PRDM5: variants seen among roughly 807,000 people sequenced by gnomAD.
PRDM5 encodes the protein PR domain zinc finger protein 5.
Under a neutral mutation model 81.2 loss-of-function variants are expected in PRDM5, and 56 were observed. The observed-to-expected ratio is 0.69, with a 90% CI of 0.56 to 0.86. The LOEUF (loss-of-function observed/expected upper bound fraction) is 0.86, where lower values mean the gene tolerates loss of function less well. PRDM5 is among the 40% of genes least tolerant of loss of function. The pLI is 0.00. For missense variants in PRDM5, 697 were observed against 770.1 expected (o/e 0.91, Z 1.12); for synonymous variants, 267 against 256.4 (o/e 1.04, Z -0.39).
chr4:120,808,993 C>A (rs954512008), intron 8 of PRDM5, among the ~76,000 whole-genome samples: 3 of 152,248 alleles, frequency 2.0e-5, no homozygotes, highest in African/African-American at 7.2e-5. Context: ...CCGGCCTTGT[C>A]CAGCCCAGAA....
At chr4:120,842,655 T>G (rs1758159244) in intron 3 of PRDM5, among the ~76,000 whole-genome samples, 1 of 152,230 alleles carries the variant, frequency 6.6e-6, no homozygotes, top group South Asian at 2.1e-4. Context: ...TATTTCAAAT[T>G]AACTATTTTT....
At chr4:120,808,722 G>T (rs1214948227) in intron 8 of PRDM5, among the ~76,000 whole-genome samples, 1 of 152,198 alleles carries the variant, frequency 6.6e-6, no homozygotes, top group African/African-American at 2.4e-5. Context: ...GGAGGCTCAG[G>T]CACGGTGGGC....
At chr4:120,712,612 G>T (rs1382973034) in intron 14 of PRDM5, among the ~76,000 whole-genome samples, 1 of 152,088 alleles carries the variant, frequency 6.6e-6, no homozygotes, top group Non-Finnish European at 1.5e-5. Context: ...ACCTATGTAT[G>T]AATGGAACCT....
intron 3 of PRDM5, among the ~76,000 whole-genome samples, chr4:120,822,255 T>C (rs1239378268): frequency 1.3e-5 from 2 of 152,214 alleles, no homozygotes; most frequent in African/African-American, 2.4e-5. Flanking sequence ...CTCTTTTACA[T>C]AGTTAAGGAT....
chr4:120,758,177 T>C (rs981844943), intron 13 of PRDM5, among the ~76,000 whole-genome samples: 2 of 152,188 alleles, frequency 1.3e-5, no homozygotes, highest in Non-Finnish European at 2.9e-5. Flanking sequence ...TTGGCCTCCA[T>C]AACTGTGTAA....
At chr4:120,748,791 G>A (rs191954247) in intron 14 of PRDM5, among the ~76,000 whole-genome samples, 4 of 152,224 alleles carry the variant, frequency 2.6e-5, no homozygotes, top group Admixed American at 2.0e-4. Context: ...CCAGTGCCCT[G>A]AGGGTGAGTT....
chr4:120,778,503 T>C (rs1224029518), intron 12 of PRDM5, among the ~76,000 whole-genome samples: 1 of 152,192 alleles, frequency 6.6e-6, no homozygotes, highest in African/African-American at 2.4e-5. Flanking sequence ...ATTAACATAA[T>C]TGACTTTGCA....
Position 120,693,561 on chromosome 4 carries a change from A to G in PRDM5, c.*1550T>C, listed in dbSNP as rs1025818389. 1 of 152,150 alleles carries G rather than the reference A, an allele frequency of 6.6e-6. No homozygotes were observed. Among genetic ancestry groups the G allele is most frequent in the Non-Finnish European group, 1.5e-5 (1 of 68,010 alleles). 9.4% of individuals were successfully genotyped at this position (152,150 alleles called of 1,614,324 possible). ...TTTAGGATTTATGTTTTTAAAAGTTATCTCTTCTGAGTTTCAAATTTAGTA... is the reference window on the plus strand; with the variant it reads ...TTTAGGATTTATGTTTTTAAAAGTTGTCTCTTCTGAGTTTCAAATTTAGTA... On this transcript the variant is annotated 3_prime_UTR_variant, in exon 16 of 16. Transcript: ENST00000264808.
At chr4:120,811,146 T>C (rs1454608373) in intron 8 of PRDM5, among the ~76,000 whole-genome samples, 5 of 151,490 alleles carry the variant, frequency 3.3e-5, no homozygotes, top group Non-Finnish European at 5.9e-5. Flanking sequence ...TATGAATATA[T>C]TGGACCTTGT....
At chr4:120,821,085 A>G in intron 4 of PRDM5, 86 bp downstream of exon 4, 1 of 1,440,264 alleles carries the variant, frequency 6.9e-7, no homozygotes, top group South Asian at 1.1e-5. Flanking sequence ...GCCATATTAC[A>G]AGGCAACTAT....
chr4:120,730,671 A>G (rs1224481538), intron 14 of PRDM5, among the ~76,000 whole-genome samples: 1 of 151,824 alleles, frequency 6.6e-6, no homozygotes, highest in East Asian at 1.9e-4. Flanking sequence ...ACAAAGAAAA[A>G]CTCTCTTTAT....
At chr4:120,784,651 C>T (rs748649852) in intron 11 of PRDM5, among the ~76,000 whole-genome samples, 14 of 152,090 alleles carry the variant, frequency 9.2e-5, no homozygotes, top group East Asian at 3.9e-4. Context: ...GAGTCTGACA[C>T]GTTTTCTTAA....
chr4:120,782,408 T>C (rs6823191), intron 11 of PRDM5, among the ~76,000 whole-genome samples: 58,953 of 151,776 alleles, frequency 0.39, 11,630 homozygotes, highest in East Asian at 0.5. Context: ...TTTAGAAATA[T>C]GAAGACTCTA....
chr4:120,824,014 C>G (rs536087835), intron 3 of PRDM5, among the ~76,000 whole-genome samples: 1 of 152,210 alleles, frequency 6.6e-6, no homozygotes, highest in Non-Finnish European at 1.5e-5. Flanking sequence ...GTTTGTTTCA[C>G]TTTACCTTCC....
chr4:120,899,415 C>A (rs1017309510), intron 2 of PRDM5, among the ~76,000 whole-genome samples: 2 of 152,188 alleles, frequency 1.3e-5, no homozygotes, highest in African/African-American at 4.8e-5. Flanking sequence ...ACTTTCCTGA[C>A]TCAATTCCTG....
intron 3 of PRDM5, among the ~76,000 whole-genome samples, chr4:120,828,758 T>C (rs1245323136): frequency 2.0e-5 from 3 of 152,040 alleles, no homozygotes; most frequent in Non-Finnish European, 2.9e-5. Flanking sequence ...TTCCATTACC[T>C]AGCTACATCT....
chr4:120,795,352 G>A (rs1751194716), intron 10 of PRDM5, among the ~76,000 whole-genome samples: 1 of 152,082 alleles, frequency 6.6e-6, no homozygotes, highest in African/African-American at 2.4e-5. Context: ...GGAACACAAT[G>A]GAGGGTGAAG....
At chr4:120,814,224 A>C (rs756479678) in intron 7 of PRDM5, among the ~76,000 whole-genome samples, 1 of 152,156 alleles carries the variant, frequency 6.6e-6, no homozygotes, top group Non-Finnish European at 1.5e-5. Context: ...GTTCCCTCTT[A>C]AGTAACTGTG....
At chr4:120,736,224 TG>T (rs1339316313) in intron 14 of PRDM5, among the ~76,000 whole-genome samples, 2 of 151,842 alleles carry the variant, frequency 1.3e-5, no homozygotes, top group Admixed American at 1.3e-4. Flanking sequence ...TGTGTGTGTG[TG>T]TGTGTGTGTG....
Sources: gnomAD v4.1 joint callset for allele counts (sites outside exome capture counted in the v4.1 genomes callset) on GRCh38, gnomAD v4.1.1 for gene constraint, MANE v1.5 for transcripts, NCBI Gene and HGNC (gene_info 2026-07-23, HGNC 2026-07-21) for gene names.